Variants in RNLS observed in about 807,000 individuals in gnomAD.
The protein encoded by RNLS is renalase, FAD dependent amine oxidase.
Under a neutral mutation model 39.8 loss-of-function variants are expected in RNLS, and 39 were observed. That is an observed-to-expected ratio of 0.98 (90% CI 0.76 to 1.28). The LOEUF is 1.28. Ranked by LOEUF, RNLS falls within the 50% of genes most tolerant of loss-of-function variation. The pLI, the probability that RNLS is intolerant of heterozygous loss-of-function variation, is 0.00. For synonymous variants in RNLS, 147 were observed against 150.7 expected (o/e 0.98, Z 0.18); for missense variants, 410 against 413.3 (o/e 0.99, Z 0.07).
rs1403508636 is a variant in RNLS, at chr10:88,467,304, TAAAA to T, written c.527-104583_527-104580del. Among the ~76,000 whole-genome samples, 41 of 150,790 alleles carry T rather than the reference TAAAA, an allele frequency of 2.7e-4. No homozygotes were observed. In the South Asian group the frequency reaches 8.4e-3, roughly 31 times the overall value. On this transcript the variant is annotated intron_variant, in intron 4 of 6. Coordinates refer to ENST00000331772, the MANE Select transcript of RNLS (RefSeq NM_001031709.3). Reference sequence around the variant, plus strand: ...TGTGTGGGAAATTAAAAAAAATAAATAAAAGAAAGAAAAAAAGAGTCCAAGATCA... The same window carrying T: ...TGTGTGGGAAATTAAAAAAAATAAATGAAAGAAAAAAAGAGTCCAAGATCA...
intron 4 of RNLS, among the ~76,000 whole-genome samples, chr10:88,426,048 C>A (rs1449154696): frequency 6.6e-6 from 1 of 151,976 alleles, no homozygotes; most frequent in East Asian, 1.9e-4. Flanking sequence ...GGACAGAGGG[C>A]TAGAATAGTA....
At chr10:88,407,754 G>A (rs976270988) in intron 4 of RNLS, among the ~76,000 whole-genome samples, 5 of 152,084 alleles carry the variant, frequency 3.3e-5, no homozygotes, top group African/African-American at 4.8e-5. Context: ...GCTGGTCCCT[G>A]CTTTGAAAGT....
intron 4 of RNLS, among the ~76,000 whole-genome samples, chr10:88,450,335 G>A (rs1001644253): frequency 6.6e-6 from 1 of 152,196 alleles, no homozygotes; most frequent in Admixed American, 6.5e-5. Context: ...GAATCACAAG[G>A]TAGAGCCAGG....
intron 4 of RNLS, among the ~76,000 whole-genome samples, chr10:88,431,448 T>C (rs1855128906): frequency 6.6e-6 from 1 of 151,728 alleles, no homozygotes; most frequent in Non-Finnish European, 1.5e-5. Flanking sequence ...TGTTTTTCTA[T>C]TGTTTTTCTG....
At chr10:88,577,854 T>C (rs1282785152) in intron 3 of RNLS, among the ~76,000 whole-genome samples, 1 of 152,152 alleles carries the variant, frequency 6.6e-6, no homozygotes, top group Non-Finnish European at 1.5e-5. Flanking sequence ...TTCTGGGAAA[T>C]TGGTCTAGTT....
At chr10:88,283,953 A>G (rs1047189555), downstream of RNLS, 1 of 195,456 alleles carries the variant, frequency 5.1e-6, no homozygotes, top group African/African-American at 2.4e-5. Flanking sequence ...GTATCCCTAC[A>G]TTTAAAATTT....
intron 6 of RNLS, among the ~76,000 whole-genome samples, chr10:88,290,664 T>C (rs930409437): frequency 2.0e-5 from 3 of 152,202 alleles, no homozygotes; most frequent in Non-Finnish European, 4.4e-5. Flanking sequence ...AAAAGAGAAA[T>C]ACATTGGTGA....
the RNLS span, among the ~76,000 whole-genome samples, chr10:88,212,002 A>G: frequency 2.6e-5 from 4 of 152,194 alleles, no homozygotes; most frequent in Admixed American, 6.6e-5. Context: ...ATGTCAGTCT[A>G]TCCCCAAAGA....
At chr10:88,391,288 G>A (rs1159874140) in intron 4 of RNLS, among the ~76,000 whole-genome samples, 1 of 152,210 alleles carries the variant, frequency 6.6e-6, no homozygotes, top group Non-Finnish European at 1.5e-5. Context: ...GCCAGGAATA[G>A]TGGCTCATGC....
At chr10:88,483,210 A>C (rs529457382) in intron 4 of RNLS, among the ~76,000 whole-genome samples, 1 of 152,080 alleles carries the variant, frequency 6.6e-6, no homozygotes, top group Non-Finnish European at 1.5e-5. Context: ...AGTTTATCAG[A>C]TTATCATATG....
chr10:88,439,482 T>G (rs1374286818), intron 4 of RNLS, among the ~76,000 whole-genome samples: 2 of 152,132 alleles, frequency 1.3e-5, no homozygotes, highest in African/African-American at 4.8e-5. Flanking sequence ...TTTTTGTGAG[T>G]TAGGGTGGTT....
chr10:88,241,135 G>A, the RNLS span, among the ~76,000 whole-genome samples: 10 of 149,998 alleles, frequency 6.7e-5, no homozygotes, highest in Non-Finnish European at 5.9e-5. Context: ...TTCTCATTTT[G>A]TACTTTTCCG....
the RNLS span, among the ~76,000 whole-genome samples, chr10:88,187,151 T>C: frequency 8.3e-6 from 1 of 120,544 alleles, no homozygotes; most frequent in Non-Finnish European, 1.7e-5. Context: ...AAAAAATATA[T>C]ATATATAATA....
chr10:88,256,299 C>T, the RNLS span, among the ~76,000 whole-genome samples: 3 of 152,204 alleles, frequency 2.0e-5, no homozygotes, highest in Non-Finnish European at 4.4e-5. Flanking sequence ...CATGTGAGCT[C>T]GGTTTACGGT....
chr10:88,572,867 T>C (rs375456614), intron 4 of RNLS, 36 bp downstream of exon 4: 7 of 1,602,856 alleles, frequency 4.4e-6, no homozygotes, highest in African/African-American at 1.3e-5. Context: ...AGAAATCCCA[T>C]TCCCTGAGGC....
the RNLS span, among the ~76,000 whole-genome samples, chr10:88,255,186 A>T: frequency 6.6e-6 from 1 of 152,346 alleles, no homozygotes; most frequent in Admixed American, 6.5e-5. Context: ...TTCATGATAC[A>T]TTTGTAAGAA....
rs548532532 is a variant in RNLS at position 88,449,692 on chromosome 10, A to G, written c.527-86967T>C. 1.1e-4 allele frequency among the ~76,000 whole-genome samples: 16 copies of G among 152,300 alleles called. No homozygotes were observed. In the East Asian group the frequency reaches 2.3e-3, roughly 22 times the overall value. On this transcript the variant is annotated intron_variant, in intron 4 of 6. Coordinates refer to ENST00000331772, the MANE Select transcript of RNLS (RefSeq NM_001031709.3). ...ACTTCTCTGCCCTAAGGAATCTTAA[A>G]TTTTTAATACTAGAGTTAAGACATT...
chr10:88,332,746 G>A (rs1369468483), intron 5 of RNLS, among the ~76,000 whole-genome samples: 1 of 152,172 alleles, frequency 6.6e-6, no homozygotes, highest in Non-Finnish European at 1.5e-5. Context: ...GGAAATGATA[G>A]AGGTGAAATG....
At chr10:88,202,389 G>A in the RNLS span, among the ~76,000 whole-genome samples, 2 of 151,864 alleles carry the variant, frequency 1.3e-5, no homozygotes, top group East Asian at 1.9e-4. Flanking sequence ...CATGGCACAC[G>A]CATACATATG....
Sources: gnomAD v4.1 joint callset for allele counts (sites outside exome capture counted in the v4.1 genomes callset) on GRCh38, gnomAD v4.1.1 for gene constraint, MANE v1.5 for transcripts, NCBI Gene and HGNC (gene_info 2026-07-23, HGNC 2026-07-21) for gene names.